Variants in LRCOL1 observed in about 807,000 individuals in gnomAD.
LRCOL1 encodes the protein leucine rich colipase like 1.
Under a neutral mutation model 21.6 loss-of-function variants are expected in LRCOL1, and 21 were observed. The ratio of observed to expected loss-of-function variants is 0.97; its 90% CI spans 0.69 to 1.40. The LOEUF is 1.40. Ranked by LOEUF, LRCOL1 falls within the 40% of genes most tolerant of loss-of-function variation. LRCOL1 has a pLI of 0.00. For synonymous variants in LRCOL1, 98 were observed against 90.1 expected, an observed-to-expected ratio of 1.09 and a Z score of -0.49; for missense variants, 198 against 202.3, an observed-to-expected ratio of 0.98 and a Z score of 0.13.
chr12:132,607,673 GTCTCTGTCTCTCTCTGCC>G (rs199766024), intron 1 of LRCOL1, among the ~76,000 whole-genome samples: 27,608 of 147,866 alleles, frequency 0.19, 640 homozygotes, highest in African/African-American at 0.28. Flanking sequence ...GTCTCTTTCT[GTCTCTGTCTCTCTCTGCC>G]TCTCTGTCTC....
Position 132,606,465 on chromosome 12 carries a change from GCCA to G in LRCOL1, c.-13-204_-13-202del, listed in dbSNP as rs2041311594. Among the ~76,000 whole-genome samples the G allele has an allele frequency of 2.0e-5, 3 of 152,150 alleles. No homozygotes were observed. Among genetic ancestry groups the G allele is most frequent in the Non-Finnish European group, 4.4e-5 (3 of 68,030 alleles). On this transcript the variant is annotated intron_variant, in intron 1 of 5. Coordinates refer to ENST00000376608, the MANE Select transcript of LRCOL1 (RefSeq NM_001195520.2). This position sits in a 1 kb window ranked among gnomAD's most constrained non-coding sequence, Gnocchi z 4.6. ...AGTGCAGAAAATATAATTCTCATAT[GCCA>G]CCTTCTTTCCCCTGCCTCAGTTTCC...
At position 132,608,091 on chromosome 12, in the gene LRCOL1, G is replaced by C. The variant is rs1179567563; in HGVS notation, c.-13-1827C>G. Among the ~76,000 whole-genome samples, 7 of 152,106 alleles carry C rather than the reference G, an allele frequency of 4.6e-5. 1 individual carries two copies. Among genetic ancestry groups the C allele is most frequent in the East Asian group, 1.9e-4 (1 of 5,178 alleles). On this transcript the variant is annotated intron_variant, in intron 1 of 5. Coordinates refer to ENST00000376608, the MANE Select transcript of LRCOL1 (RefSeq NM_001195520.2). The stretch of plus-strand genomic sequence containing the variant: ...TCTTAAATTCCTCATGTTATCTCGC[G>C]TGCACTCAGGGGAAAGGTGGAGCTC...
chr12:132,604,164 G>A (rs1377951321), intron 5 of LRCOL1, 90 bp downstream of exon 5: 1 of 1,458,096 alleles, frequency 6.9e-7, no homozygotes, highest in Non-Finnish European at 9.0e-7. Flanking sequence ...TCTCACAGCC[G>A]CGGTCCCGGT....
chr12:132,605,236 G>T, intron 2 of LRCOL1: 1 of 618,472 alleles, frequency 1.6e-6, no homozygotes, highest in Non-Finnish European at 2.0e-6. Context: ...CCTGCACCAC[G>T]GCTTGTAGCC....
In LRCOL1 at chr12:132,606,387, T is replaced by C; in HGVS notation, c.-13-123A>G. The C allele has an allele frequency of 1.2e-6, 1 of 806,860 alleles. No homozygotes were observed. The highest frequency in any genetic ancestry group is 1.9e-6 in the Non-Finnish European group (1 of 528,292). The allele number at this position is 806,860 out of a possible 1,614,324, so 50.0% of individuals were successfully genotyped here. On this transcript the variant is annotated intron_variant, in intron 1 of 5. Transcript: ENST00000376608. This position sits in a 1 kb window ranked among gnomAD's most constrained non-coding sequence, Gnocchi z 4.6. ...GATCCTTTCTCTTGCAAGACAGACT[T>C]TTAAAAACTTAATGGACTTTATTTT...
chr12:132,606,209 G>C lies in LRCOL1; in HGVS notation c.43C>G (p.Leu15Val). 1 of 1,536,054 alleles carries C rather than the reference G, an allele frequency of 6.5e-7. No homozygotes were observed. Among genetic ancestry groups the C allele is most frequent in the Non-Finnish European group, 8.7e-7 (1 of 1,146,396 alleles). Residue 15 changes from leucine (L) to valine (V), a missense_variant, in exon 2 of 6, where the codon CTG (leucine) becomes GTG (valine). Coordinates refer to ENST00000376608, the MANE Select transcript of LRCOL1 (RefSeq NM_001195520.2). This position sits in a 1 kb window ranked among gnomAD's most constrained non-coding sequence, Gnocchi z 4.6. The stretch of plus-strand genomic sequence containing the variant: ...CCTGCCATGGACCCCAGCAGCAGCA[G>C]CAGCAGCAGCAGTAGCAGCAGCGTC... ...GWTLLLLLLL[L>V]LLLGSMAGYG...
At chr12:132,604,993 G>C (rs1033700491) in intron 2 of LRCOL1, 162 bp from the exon 3 acceptor site, 1 of 1,445,094 alleles carries the variant, frequency 6.9e-7, no homozygotes, top group Non-Finnish European at 9.1e-7. Flanking sequence ...CCGTGGTTCT[G>C]GCAGGTCAGT....
chr12:132,604,060 G>A (rs1370330342), intron 5 of LRCOL1, 194 bp downstream of exon 5: 92 of 1,416,498 alleles, frequency 6.5e-5, no homozygotes, highest in Non-Finnish European at 7.5e-5. Flanking sequence ...CTCAGTGCCA[G>A]CCCAGGAGCC....
At chr12:132,607,528 G>A (rs1175648611) in intron 1 of LRCOL1, among the ~76,000 whole-genome samples, 3 of 152,242 alleles carry the variant, frequency 2.0e-5, no homozygotes, top group African/African-American at 7.2e-5. Flanking sequence ...CGTGCTGTGA[G>A]ACCACATATC....
rs1376011055 is a variant in LRCOL1, at chr12:132,606,170, T to G, written c.82A>C (p.Lys28Gln). The G allele has an allele frequency of 2.0e-6, 3 of 1,536,410 alleles. No homozygotes were observed. Among genetic ancestry groups the G allele is most frequent in the Admixed American group, 3.9e-5 (2 of 51,006 alleles). Reference protein sequence around the residue: ...LGSMAGYGPQKKLNLSHKGIG... With the variant: ...LGSMAGYGPQQKLNLSHKGIG... ...ACCTTATGGGACAGGTTCAACTTCTTCTGTGGCCCATACCCTGCCATGGAC... is the reference window on the plus strand; with the variant it reads ...ACCTTATGGGACAGGTTCAACTTCTGCTGTGGCCCATACCCTGCCATGGAC... Residue 28 changes from lysine (K) to glutamine (Q), a missense_variant, in exon 2 of 6, where the codon AAG (lysine) becomes CAG (glutamine). By Grantham distance (53) the Lys-to-Gln change is moderately conservative. Transcript: ENST00000376608. This position sits in a 1 kb window ranked among gnomAD's most constrained non-coding sequence, Gnocchi z 4.6.
intron 1 of LRCOL1, among the ~76,000 whole-genome samples, chr12:132,607,641 C>CTCTCTGTCTCTTTCTG (rs749273523): frequency 7.9e-5 from 12 of 151,900 alleles, no homozygotes; most frequent in Admixed American, 1.3e-4. Flanking sequence ...CTGTCTCCCT[C>CTCTCTGTCTCTTTCTG]TCTCTGTCTC....
At chr12:132,603,464 A>G in intron 5 of LRCOL1, 60 bp from the exon 6 acceptor site, 1 of 1,535,872 alleles carries the variant, frequency 6.5e-7, no homozygotes, top group East Asian at 2.4e-5. Flanking sequence ...GCGGCCGCGG[A>G]AGGAGGACGG....
chr12:132,606,006 C>A lies in LRCOL1; in HGVS notation c.105+141G>T, dbSNP rs1031599430. 1.8e-5 allele frequency: 13 copies of A among 721,798 alleles called. No individual in the cohort carries two copies. The African/African-American group carries it at 2.1e-4, about 12-fold the overall frequency. 44.7% of individuals were successfully genotyped at this position (721,798 alleles called of 1,614,324 possible). On this transcript the variant is annotated intron_variant, in intron 2 of 5. Transcript: ENST00000376608. The surrounding 1 kb of genome is among the most constrained non-coding windows in gnomAD (Gnocchi z 4.6). ...TCAGGGAGGGTTTCATCCAGGAAGG[C>A]GCTTTGTGTCCCTTTGAGACCCTCC... is the stretch of plus-strand genomic sequence containing the variant.
chr12:132,605,738 C>G (rs906021856), intron 2 of LRCOL1: 2 of 128,716 alleles, frequency 1.6e-5, no homozygotes, highest in African/African-American at 6.2e-5. Flanking sequence ...CTCTCTCTCT[C>G]TCTCTCTTAC....
Position 132,604,745 on chromosome 12 carries a change from G to A in LRCOL1, c.192C>T (p.Thr64=), listed in dbSNP as rs1196226284. The A allele has an allele frequency of 3.3e-6, 5 of 1,536,086 alleles. No homozygotes were observed. In the African/African-American group the frequency reaches 4.1e-5, roughly 13 times the overall value. ...GGCACTGCAGGAAGATGGTCTTAGG[G>A]GTGCAGAGCGTGTGTGGGGCCAGGC... is the stretch of plus-strand genomic sequence containing the variant. The part of the protein sequence containing the change: ...INSLAPHTLC[T]PKTIFLQCLP... The change falls in exon 3 of 6, where the codon ACC becomes ACT. Residue 64 remains threonine (T), a synonymous_variant. Coordinates refer to ENST00000376608, the MANE Select transcript of LRCOL1 (RefSeq NM_001195520.2).
At chr12:132,605,222 C>A in intron 2 of LRCOL1, 1 of 741,632 alleles carries the variant, frequency 1.3e-6, no homozygotes, top group Non-Finnish European at 1.6e-6. Context: ...AGCCAGGCCT[C>A]CCCCCTGCAC....
At chr12:132,604,220 G>C in intron 5 of LRCOL1, 34 bp downstream of exon 5, 1 of 1,507,276 alleles carries the variant, frequency 6.6e-7, no homozygotes, top group South Asian at 1.3e-5. Context: ...GGCCAAGGGA[G>C]GGCCTGGAGG....
intron 5 of LRCOL1, chr12:132,604,052 C>T: frequency 1.4e-6 from 2 of 1,404,286 alleles, no homozygotes; most frequent in Non-Finnish European, 1.8e-6. Context: ...CTGGTGGGCT[C>T]AGTGCCAGCC....
chr12:132,604,438 C>A, intron 4 of LRCOL1, 24 bp downstream of exon 4: 3 of 1,528,576 alleles, frequency 2.0e-6, no homozygotes, highest in Non-Finnish European at 2.6e-6. Flanking sequence ...CCTGCTCCAT[C>A]TGCCCCGGGT....
Sources: allele counts gnomAD v4.1 joint callset (sites outside exome capture counted in the v4.1 genomes callset), GRCh38; gene constraint gnomAD v4.1.1; non-coding constraint Gnocchi (gnomAD v3.1); transcripts MANE v1.5; gene names NCBI Gene and HGNC (gene_info 2026-07-23, HGNC 2026-07-21).